The following HDAC8 variants were observed in gnomAD, a reference collection of about 807,000 sequenced individuals.
HDAC8 encodes the protein histone deacetylase 8.
A neutral mutation model predicts 32.2 loss-of-function variants in HDAC8; 1 was observed. That is an observed-to-expected ratio of 0.03 (90% CI 0.01 to 0.15). The LOEUF is 0.15. Ranked by LOEUF, HDAC8 falls within the 10% of genes least tolerant of loss-of-function variation. HDAC8 has a pLI of 1.00. For missense variants in HDAC8, 117 were observed against 300.0 expected (o/e 0.39, Z 4.51); for synonymous variants, 108 against 113.9 (o/e 0.95, Z 0.33).
At chrX:72,560,828 C>T (rs2051533976) in intron 4 of HDAC8, among the ~76,000 whole-genome samples, 1 of 109,434 alleles carries the variant, frequency 9.1e-6, no homozygotes. Context: ...TTTTAATACA[C>T]TTATGTGGTG....
chrX:72,438,117 C>T (rs1382246849), intron 9 of HDAC8, among the ~76,000 whole-genome samples: 4 of 111,900 alleles, frequency 3.6e-5, no homozygotes, highest in African/African-American at 1.3e-4. Flanking sequence ...TGGCAGGGGC[C>T]CCTCTGGGAC....
chrX:72,532,643 C>T (rs1324006790), intron 4 of HDAC8, among the ~76,000 whole-genome samples: 2 of 110,047 alleles, frequency 1.8e-5, no homozygotes, highest in Non-Finnish European at 3.8e-5. Flanking sequence ...ATCTTTAATG[C>T]TCTTATTGAC....
chrX:72,450,830 T>TA lies in HDAC8; in HGVS notation c.1005+11173dup, dbSNP rs1313901893. Among the ~76,000 whole-genome samples the TA allele has an allele frequency of 3.6e-4, 39 of 107,850 alleles. No individual in the cohort carries two copies. The South Asian group carries it at 3.9e-3, about 11-fold the overall frequency. The allele number at this position is 107,850 out of a possible 115,157, so 93.7% of individuals were successfully genotyped here. A position where few individuals can be genotyped will look rare whatever the true frequency, so the allele number is the denominator to read the frequency against. On this transcript the variant is annotated intron_variant, in intron 9 of 10. Coordinates refer to ENST00000373573, the MANE Select transcript of HDAC8 (RefSeq NM_018486.3). Reference sequence around the variant, plus strand: ...GAAGAACAGGAAAGGGAGAATAAGTTAAAAAAAAAATAAAGAAATACTGGC... The same window carrying TA: ...GAAGAACAGGAAAGGGAGAATAAGTTAAAAAAAAAAATAAAGAAATACTGGC...
intron 10 of HDAC8, among the ~76,000 whole-genome samples, chrX:72,336,044 GGAGT>G (rs2043676115): frequency 9.0e-6 from 1 of 111,725 alleles, no homozygotes; most frequent in Non-Finnish European, 1.9e-5. Context: ...TAATTACTAA[GGAGT>G]GTGATTGCTA....
In HDAC8 at chrX:72,567,969, C is replaced by T. The variant is rs782021788; in HGVS notation, c.357G>A (p.Thr119=). Reference sequence around the variant, plus strand: ...CAATCAGGCATTGGGCAGCTGTGATCGTAGCCCCTCCTATAGCTGCTGCAT... The same window carrying T: ...CAATCAGGCATTGGGCAGCTGTGATTGTAGCCCCTCCTATAGCTGCTGCAT... ...FDYAAAIGGA[T]ITAAQCLIDG... Residue 119 remains threonine, a synonymous_variant, in exon 4 of 11, where the codon ACG becomes ACA. Coordinates refer to ENST00000373573, the MANE Select transcript of HDAC8 (RefSeq NM_018486.3). The T allele has an allele frequency of 1.9e-5, 23 of 1,209,664 alleles. No individual in the cohort carries two copies. Among genetic ancestry groups the T allele is most frequent in the Admixed American group, 1.1e-4 (5 of 45,700 alleles).
intron 4 of HDAC8, among the ~76,000 whole-genome samples, chrX:72,531,816 T>C (rs1025197796): frequency 4.4e-5 from 5 of 112,650 alleles, no homozygotes; most frequent in Non-Finnish European, 9.4e-5. Flanking sequence ...CTTTTTATTA[T>C]GAAACAATGT....
intron 10 of HDAC8, among the ~76,000 whole-genome samples, chrX:72,331,844 A>G (rs1555940664): frequency 9.0e-6 from 1 of 111,720 alleles, no homozygotes; most frequent in Non-Finnish European, 1.9e-5. Context: ...GTGTAGATTC[A>G]TGTAACCTCA....
intron 4 of HDAC8, among the ~76,000 whole-genome samples, chrX:72,505,114 T>C (rs901790559): frequency 9.0e-6 from 1 of 110,930 alleles, no homozygotes; most frequent in African/African-American, 3.3e-5. Flanking sequence ...TGTTGAGTTA[T>C]AAGAGTTCTT....
intron 9 of HDAC8, among the ~76,000 whole-genome samples, chrX:72,393,843 GT>G (rs2045681370): frequency 8.9e-6 from 1 of 111,989 alleles, no homozygotes; most frequent in South Asian, 3.8e-4. Flanking sequence ...TGAAGTTCTT[GT>G]TTTTTTATTT....
At chrX:72,389,691 A>G (rs2045560015) in intron 9 of HDAC8, among the ~76,000 whole-genome samples, 1 of 112,421 alleles carries the variant, frequency 8.9e-6, no homozygotes, top group Admixed American at 9.4e-5. Flanking sequence ...CTTTTTACCC[A>G]GCCACAGGCT....
At chrX:72,554,487 TAGGGCGGGGGGAGCGGGG>T (rs1349873615) in intron 4 of HDAC8, among the ~76,000 whole-genome samples, 11 of 4,198 alleles carry the variant, frequency 2.6e-3, no homozygotes, top group Admixed American at 0.01. Context: ...TTGGAGCGGG[TAGGGCGGGGGGAGCGGGG>T]AGGGCGGGGA....
At chrX:72,488,646 T>C (rs1556007325) in intron 7 of HDAC8, among the ~76,000 whole-genome samples, 2 of 111,486 alleles carry the variant, frequency 1.8e-5, no homozygotes, top group Non-Finnish European at 3.8e-5. Context: ...GCTAAGAAAG[T>C]AGCAAATAAG....
chrX:72,447,905 C>T (rs189529420), intron 9 of HDAC8, among the ~76,000 whole-genome samples: 2 of 111,535 alleles, frequency 1.8e-5, no homozygotes, highest in East Asian at 5.6e-4. Flanking sequence ...TCAAGGAGAA[C>T]TACAAACCAC....
chrX:72,556,692 C>T (rs2051294010), intron 4 of HDAC8, among the ~76,000 whole-genome samples: 1 of 111,847 alleles, frequency 8.9e-6, no homozygotes, highest in Non-Finnish European at 1.9e-5. Flanking sequence ...ACTAGTCCAA[C>T]AGGAAAATAT....
At chrX:72,417,485 T>C (rs1035187822) in intron 9 of HDAC8, among the ~76,000 whole-genome samples, 5 of 111,330 alleles carry the variant, frequency 4.5e-5, no homozygotes, top group Non-Finnish European at 9.5e-5. Context: ...ACAAAAGGAA[T>C]AAAATATCTA....
intron 7 of HDAC8, among the ~76,000 whole-genome samples, chrX:72,486,755 T>G (rs1556005925): frequency 3.6e-5 from 4 of 111,520 alleles, no homozygotes; most frequent in African/African-American, 1.3e-4. Flanking sequence ...TGTGCCAAAA[T>G]TTCGTTTTAA....
intron 4 of HDAC8, among the ~76,000 whole-genome samples, chrX:72,500,486 A>G (rs1360387348): frequency 8.9e-6 from 1 of 112,382 alleles, no homozygotes; most frequent in African/African-American, 3.2e-5. Context: ...ATGCGAATCA[A>G]TAAATGTGAT....
At chrX:72,513,672 C>T (rs922860578) in intron 4 of HDAC8, among the ~76,000 whole-genome samples, 1 of 110,221 alleles carries the variant, frequency 9.1e-6, no homozygotes, top group Non-Finnish European at 1.9e-5. Context: ...TTGTAAAATG[C>T]CTAGAGAATG....
At chrX:72,448,084 C>G (rs1210982501) in intron 9 of HDAC8, among the ~76,000 whole-genome samples, 2 of 111,920 alleles carry the variant, frequency 1.8e-5, no homozygotes, top group African/African-American at 3.2e-5. Context: ...GAAAAAACTA[C>G]TTTAAATTTC....
Sources: gnomAD v4.1 joint callset for allele counts (sites outside exome capture counted in the v4.1 genomes callset) on GRCh38, gnomAD v4.1.1 for gene constraint, MANE v1.5 for transcripts, NCBI Gene and HGNC (gene_info 2026-07-23, HGNC 2026-07-21) for gene names.